ESF1: variants seen among roughly 807,000 people sequenced by gnomAD.
The protein encoded by ESF1 is ESF1 homolog.
ESF1 carries 58 observed loss-of-function variants against 92.0 expected under a neutral mutation model. The ratio of observed to expected loss-of-function variants is 0.63; its 90% CI spans 0.51 to 0.78. ESF1 has a LOEUF of 0.78. Among genes scored for constraint, ESF1 ranks in the 30% least tolerant of loss-of-function variants. The pLI is 0.00. For synonymous variants in ESF1, 321 were observed against 313.7 expected (o/e 1.02, Z -0.24); for missense variants, 922 against 989.1 (o/e 0.93, Z 0.91).
At chr20:13,776,399 T>C (rs1209525870) in intron 2 of ESF1, 129 bp from the exon 3 acceptor site, 21 of 858,258 alleles carry the variant, frequency 2.4e-5, no homozygotes, top group Non-Finnish European at 3.3e-5. Context: ...CAAATATATA[T>C]TCAGTAAATG....
intron 9 of ESF1, among the ~76,000 whole-genome samples, chr20:13,755,276 C>G (rs1978840860): frequency 6.6e-6 from 1 of 152,150 alleles, no homozygotes; most frequent in Admixed American, 6.5e-5. Flanking sequence ...CTAAGAAAAA[C>G]AGGACTTTTA....
chr20:13,753,350 C>T (rs992600171), intron 9 of ESF1, among the ~76,000 whole-genome samples: 1 of 150,944 alleles, frequency 6.6e-6, no homozygotes, highest in African/African-American at 2.4e-5. Flanking sequence ...TTTTCTCTCC[C>T]ACTGTCCCTG....
chr20:13,771,561 T>A, intron 5 of ESF1, 78 bp from the exon 6 acceptor site: 1 of 1,226,180 alleles, frequency 8.2e-7, no homozygotes, highest in Non-Finnish European at 1.2e-6. Context: ...TGTAATTCTT[T>A]CAAGAAAAAC....
At chr20:13,732,957 T>C (rs1192016564) in intron 10 of ESF1, among the ~76,000 whole-genome samples, 2 of 151,736 alleles carry the variant, frequency 1.3e-5, no homozygotes, top group Non-Finnish European at 2.9e-5. Context: ...GACAGAGTCT[T>C]GCCCTGTCGC....
intron 2 of ESF1, among the ~76,000 whole-genome samples, chr20:13,780,925 T>C (rs945487932): frequency 4.6e-5 from 7 of 152,212 alleles, no homozygotes; most frequent in African/African-American, 1.7e-4. Flanking sequence ...CCTTATTATC[T>C]AATCAAACGG....
chr20:13,723,975 G>C (rs1009814198), intron 11 of ESF1, among the ~76,000 whole-genome samples: 3 of 152,200 alleles, frequency 2.0e-5, no homozygotes, highest in Admixed American at 2.0e-4. Context: ...TAGGTCATCT[G>C]AGTTATTTTA....
At position 13,776,134 on chromosome 20, in the gene ESF1, T is replaced by A. The variant is rs1373377800; in HGVS notation, c.774A>T (p.Glu258Asp). 2 of 1,613,926 alleles carry A rather than the reference T, an allele frequency of 1.2e-6. No homozygotes were observed. The highest frequency in any genetic ancestry group is 8.5e-7 in the Non-Finnish European group (1 of 1,179,894). ...CTGAAGCTCTACCAACACTTGTAAT[T>A]TCATTTTCAGATTCCTCATCACTTC... The part of the protein sequence containing the change: ...EIGSDEESEN[E>D]ITSVGRASGD... Residue 258 changes from glutamate to aspartate, a missense_variant, in exon 3 of 14, where the codon GAA (glutamate) becomes GAT (aspartate). Transcript: ENST00000617257.
At chr20:13,782,431 T>C in intron 2 of ESF1, 73 bp downstream of exon 2, 1 of 1,273,614 alleles carries the variant, frequency 7.9e-7, no homozygotes, top group Non-Finnish European at 1.0e-6. Context: ...TATTAATGTG[T>C]TTACATTTTT....
intron 9 of ESF1, among the ~76,000 whole-genome samples, chr20:13,748,570 G>GTATATATA (rs1978425747): frequency 2.2e-5 from 1 of 46,102 alleles, no homozygotes; most frequent in African/African-American, 7.0e-5. Context: ...ATATATGTGT[G>GTATATATA]TGTGTATATA....
chr20:13,752,687 C>T (rs937331639), intron 9 of ESF1, among the ~76,000 whole-genome samples: 2 of 152,120 alleles, frequency 1.3e-5, no homozygotes, highest in African/African-American at 4.8e-5. Flanking sequence ...AATACAATGG[C>T]CACATATGCA....
intron 2 of ESF1, among the ~76,000 whole-genome samples, 176 bp downstream of exon 2, chr20:13,782,325 GCAC>G (rs1446202706): frequency 6.6e-6 from 1 of 152,150 alleles, no homozygotes; most frequent in Non-Finnish European, 1.5e-5. Flanking sequence ...CTGTCTTCTA[GCAC>G]CACATCAAAA....
chr20:13,715,783 C>T (rs2049820475), intron 13 of ESF1, among the ~76,000 whole-genome samples: 1 of 152,102 alleles, frequency 6.6e-6, no homozygotes, highest in African/African-American at 2.4e-5. Context: ...TGCAGCCAGC[C>T]TTTGAGGGCT....
At chr20:13,728,580 T>C (rs1037096724) in intron 10 of ESF1, 115 bp from the exon 11 acceptor site, 26 of 855,316 alleles carry the variant, frequency 3.0e-5, no homozygotes, top group East Asian at 1.7e-4. Flanking sequence ...TAAAAGTAAA[T>C]CAGTGGCCAA....
chr20:13,773,871 G>A (rs1039833137), intron 4 of ESF1, among the ~76,000 whole-genome samples: 4 of 152,048 alleles, frequency 2.6e-5, no homozygotes, highest in Non-Finnish European at 4.4e-5. Context: ...CGAGGCGGGC[G>A]GATCATGAGG....
intron 7 of ESF1, among the ~76,000 whole-genome samples, chr20:13,769,514 A>C (rs1234896928): frequency 6.6e-6 from 1 of 152,216 alleles, no homozygotes; most frequent in African/African-American, 2.4e-5. Context: ...GGCTGGGAGC[A>C]GTGGCTCACG....
chr20:13,777,076 TGAG>T lies in ESF1; in HGVS notation c.638-809_638-807del, dbSNP rs199993883. On this transcript the variant is annotated intron_variant, in intron 2 of 13. Transcript: ENST00000617257. The stretch of plus-strand genomic sequence containing the variant: ...TATTGTCATCCTCAGACTTGCATAT[TGAG>T]GAGATCACCTTGACTATACTGTAGA... Among the ~76,000 whole-genome samples the T allele has an allele frequency of 1.1e-3, 174 of 152,320 alleles. 1 individual carries two copies. The East Asian group carries it at 0.029, about 26-fold the overall frequency.
chr20:13,776,198 T>C lies in ESF1; in HGVS notation c.710A>G (p.Asp237Gly). ...GCTTTCTGAATCTTCCTCCAGAGCA[T>C]CTTTGTCACACATTTCACCATCTGT... is the stretch of plus-strand genomic sequence containing the variant. ...NSTDGEMCDK[D>G]ALEEDSESVS... Residue 237 changes from aspartate (D) to glycine (G), a missense_variant, in exon 3 of 14, where the codon GAT (aspartate) becomes GGT (glycine). Asp to Gly is a moderately conservative substitution (Grantham distance 94, BLOSUM62 -1). Coordinates refer to ENST00000617257, the MANE Select transcript of ESF1 (RefSeq NM_001276380.2). 1 of 1,613,928 alleles carries C rather than the reference T, an allele frequency of 6.2e-7. No homozygotes were observed. The highest frequency in any genetic ancestry group is 1.7e-5 in the Admixed American group (1 of 60,026).
intron 11 of ESF1, among the ~76,000 whole-genome samples, chr20:13,720,945 ACT>A (rs2049864140): frequency 6.6e-6 from 1 of 152,096 alleles, no homozygotes. Context: ...ACATGGTGAA[ACT>A]CTGTCTCTAT....
intron 9 of ESF1, among the ~76,000 whole-genome samples, chr20:13,746,746 T>TA (rs2050051903): frequency 6.6e-6 from 1 of 152,204 alleles, no homozygotes; most frequent in Non-Finnish European, 1.5e-5. Flanking sequence ...TTCTTTGTTA[T>TA]AAAAAACAGA....
Sources: allele counts gnomAD v4.1 joint callset (sites outside exome capture counted in the v4.1 genomes callset), GRCh38; gene constraint gnomAD v4.1.1; transcripts MANE v1.5; gene names NCBI Gene and HGNC (gene_info 2026-07-23, HGNC 2026-07-21).